Variants in STARD13 observed in about 807,000 individuals in gnomAD.
STARD13 encodes the protein stAR-related lipid transfer protein 13.
Under a neutral mutation model 106.4 loss-of-function variants are expected in STARD13, and 62 were observed. That is an observed-to-expected ratio of 0.58 (90% CI 0.48 to 0.72). STARD13 has a LOEUF of 0.72. Ranked by LOEUF, STARD13 falls within the 30% of genes least tolerant of loss-of-function variation. The pLI is 0.00. For missense variants in STARD13, 1,387 were observed against 1,424.0 expected, an observed-to-expected ratio of 0.97 and a Z score of 0.42; for synonymous variants, 565 against 553.0, an observed-to-expected ratio of 1.02 and a Z score of -0.31.
intron 1 of STARD13, among the ~76,000 whole-genome samples, chr13:33,292,293 A>T (rs1057312799): frequency 1.3e-5 from 2 of 152,146 alleles, no homozygotes; most frequent in Admixed American, 6.5e-5. Context: ...ATCACCAGGT[A>T]TGCTGACCCC....
intron 1 of STARD13, among the ~76,000 whole-genome samples, chr13:33,322,203 T>G (rs1209828334): frequency 1.3e-5 from 2 of 152,228 alleles, no homozygotes; most frequent in Non-Finnish European, 2.9e-5. Context: ...ATCTAATACC[T>G]TCAGTTATAC....
At chr13:33,243,300 A>C (rs1252625476) in intron 1 of STARD13, among the ~76,000 whole-genome samples, 1 of 152,172 alleles carries the variant, frequency 6.6e-6, no homozygotes, top group East Asian at 1.9e-4. Context: ...TGGAGTGTGG[A>C]AGGGGGAATG....
the STARD13 span, among the ~76,000 whole-genome samples, chr13:33,497,742 T>C: frequency 6.6e-6 from 1 of 152,184 alleles, no homozygotes; most frequent in Non-Finnish European, 1.5e-5. Flanking sequence ...AGTACTATTG[T>C]GTCTTCTCAT....
intron 1 of STARD13, chr13:33,335,315 T>C (rs17719284): frequency 0.048 from 7,359 of 152,308 alleles, 263 homozygotes; most frequent in Non-Finnish European, 0.075. Context: ...ATCATTATCA[T>C]TGAGACTCTG....
intron 1 of STARD13, among the ~76,000 whole-genome samples, chr13:33,231,220 G>A (rs1309905899): frequency 2.6e-5 from 4 of 152,154 alleles, no homozygotes; most frequent in Admixed American, 2.0e-4. Flanking sequence ...TGAGGGGCTG[G>A]TCAGGCCCTC....
chr13:33,631,596 C>T, the STARD13 span, among the ~76,000 whole-genome samples: 4 of 152,008 alleles, frequency 2.6e-5, no homozygotes, highest in East Asian at 1.9e-4. Context: ...CTCAACAGTG[C>T]GAAACTAGGG....
the STARD13 span, among the ~76,000 whole-genome samples, chr13:33,565,635 G>A: frequency 4.1e-5 from 6 of 147,980 alleles, 1 homozygote; most frequent in Admixed American, 1.4e-4. Flanking sequence ...TAATCCATAA[G>A]TTGAGAGAAG....
chr13:33,197,908 C>T (rs1054560699), intron 1 of STARD13, among the ~76,000 whole-genome samples: 4 of 152,192 alleles, frequency 2.6e-5, no homozygotes, highest in South Asian at 2.1e-4. Context: ...CGGTGGCTCA[C>T]GCCTGCAATC....
At chr13:33,297,108 T>C (rs756179590) in intron 1 of STARD13, among the ~76,000 whole-genome samples, 22 of 152,250 alleles carry the variant, frequency 1.4e-4, no homozygotes, top group Non-Finnish European at 2.8e-4. Flanking sequence ...CAGAGACTCC[T>C]GAGATTTTTT....
Position 33,323,267 on chromosome 13 carries a change from G to A in STARD13, c.124+27023C>T, listed in dbSNP as rs1344692613. On this transcript the variant is annotated intron_variant, in intron 1 of 5. Transcript: ENST00000567873. ...CTGATTCTGAGCCTTTGCATATGCT[G>A]TTCCCACTGCCTTGTACGCCCTTCC... Among the ~76,000 whole-genome samples the A allele has an allele frequency of 2.0e-5, 3 of 152,156 alleles. No individual in the cohort carries two copies. In the East Asian group the frequency reaches 5.8e-4, roughly 29 times the overall value.
At chr13:33,214,657 C>T (rs1887918910) in intron 1 of STARD13, among the ~76,000 whole-genome samples, 1 of 150,444 alleles carries the variant, frequency 6.6e-6, no homozygotes, top group South Asian at 2.1e-4. Flanking sequence ...CATCACCTTA[C>T]ACACAAACAC....
chr13:33,673,445 G>A, the STARD13 span, among the ~76,000 whole-genome samples: 6 of 151,814 alleles, frequency 4.0e-5, no homozygotes, highest in East Asian at 1.2e-3. Context: ...CAGGCATATA[G>A]GTAGTAAGTT....
chr13:33,628,769 T>G, the STARD13 span, among the ~76,000 whole-genome samples: 1 of 151,980 alleles, frequency 6.6e-6, no homozygotes, highest in Non-Finnish European at 1.5e-5. Context: ...AACAGAGACT[T>G]TTCAATCAGA....
At chr13:33,368,486 AC>A in the STARD13 span, among the ~76,000 whole-genome samples, 2 of 152,208 alleles carry the variant, frequency 1.3e-5, no homozygotes, top group African/African-American at 4.8e-5. Context: ...CTAGGATGGA[AC>A]AATTTATCCC....
At chr13:33,464,876 C>T in the STARD13 span, among the ~76,000 whole-genome samples, 36 of 152,118 alleles carry the variant, frequency 2.4e-4, no homozygotes, top group Non-Finnish European at 4.9e-4. Context: ...GTACTAGATA[C>T]CACATGAGGA....
At chr13:33,519,435 C>T in the STARD13 span, among the ~76,000 whole-genome samples, 2 of 151,424 alleles carry the variant, frequency 1.3e-5, no homozygotes, top group African/African-American at 4.9e-5. Context: ...AGTGATCCAC[C>T]CACCTCGGCC....
At chr13:33,322,385 C>T (rs938182866) in intron 1 of STARD13, among the ~76,000 whole-genome samples, 4 of 152,134 alleles carry the variant, frequency 2.6e-5, no homozygotes, top group African/African-American at 7.2e-5. Flanking sequence ...TCGTTTGTAC[C>T]GTTCTCCACG....
chr13:33,583,802 A>C, the STARD13 span, among the ~76,000 whole-genome samples: 1 of 152,038 alleles, frequency 6.6e-6, no homozygotes, highest in African/African-American at 2.4e-5. Context: ...TAATCATCAT[A>C]ACAATTTTTT....
chr13:33,185,033 C>T (rs1244774754), intron 1 of STARD13, among the ~76,000 whole-genome samples: 1 of 152,196 alleles, frequency 6.6e-6, no homozygotes, highest in African/African-American at 2.4e-5. Context: ...CACTCTTGGC[C>T]ATGCTGCCTT....
Sources: gnomAD v4.1 joint callset for allele counts (sites outside exome capture counted in the v4.1 genomes callset) on GRCh38, gnomAD v4.1.1 for gene constraint, MANE v1.5 for transcripts, NCBI Gene and HGNC (gene_info 2026-07-23, HGNC 2026-07-21) for gene names.